Variants in EPHA1 observed in about 807,000 individuals in gnomAD.
The protein encoded by EPHA1 is ephrin type-A receptor 1.
A neutral mutation model predicts 110.1 loss-of-function variants in EPHA1; 92 were observed. The observed-to-expected ratio is 0.84, with a 90% CI of 0.71 to 0.99. The LOEUF is 0.99. Among genes scored for constraint, EPHA1 ranks in the 50% least tolerant of loss-of-function variants. EPHA1 has a pLI of 0.00. For missense variants in EPHA1, 1,204 were observed against 1,285.4 expected, an observed-to-expected ratio of 0.94 and a Z score of 0.97; for synonymous variants, 500 against 516.1, an observed-to-expected ratio of 0.97 and a Z score of 0.42.
chr7:143,397,704 G>A (rs754801581), intron 8 of EPHA1, 47 bp from the exon 9 acceptor site: 81 of 1,606,010 alleles, frequency 5.0e-5, no homozygotes, highest in Non-Finnish European at 6.6e-5. Flanking sequence ...ACAGTCCGTA[G>A]GAATGAGGGG....
At chr7:143,403,003 C>A (rs1805462070) in intron 2 of EPHA1, among the ~76,000 whole-genome samples, 1 of 152,180 alleles carries the variant, frequency 6.6e-6, no homozygotes, top group African/African-American at 2.4e-5. Flanking sequence ...TTGAATGTTT[C>A]TGAGTTTTGC....
rs1215181856 is a variant in EPHA1, at chr7:143,399,786, G to A, written c.700C>T (p.His234Tyr). The A allele has an allele frequency of 3.1e-6, 5 of 1,600,546 alleles. No individual in the cohort carries two copies. Among genetic ancestry groups the A allele is most frequent in the Admixed American group, 1.7e-5 (1 of 58,118 alleles). The change falls in exon 4 of 18, where the codon CAC becomes TAC. Residue 234 changes from histidine to tyrosine, a missense_variant. Coordinates refer to ENST00000275815, the MANE Select transcript of EPHA1 (RefSeq NM_005232.5). The part of the protein sequence containing the change: ...LVEVAGTCLP[H>Y]ARASPRPSGA... ...GAGGGCCTGGGGCTGGCCCGCGCGT[G>A]GGGCAAGCAGGTCCCCGCCACTTCC... is the stretch of plus-strand genomic sequence containing the variant.
In EPHA1 at chr7:143,391,523, C is replaced by T; in HGVS notation, c.2865G>A (p.Gln955=). The change falls in exon 18 of 18, where the codon CAG becomes CAA. Residue 955 remains glutamine (Q), a synonymous_variant. Coordinates refer to ENST00000275815, the MANE Select transcript of EPHA1 (RefSeq NM_005232.5). ...GGTGCCCGGGCAGTGTGATTCCCATCTGCGTCAGGTCCCTGTGGGCAAGGA... is the reference window on the plus strand; with the variant it reads ...GGTGCCCGGGCAGTGTGATTCCCATTTGCGTCAGGTCCCTGTGGGCAAGGA... ...VLELTAEDLT[Q]MGITLPGHQK... The T allele has an allele frequency of 6.2e-7, 1 of 1,614,186 alleles. No homozygotes were observed. Among genetic ancestry groups the T allele is most frequent in the African/African-American group, 1.3e-5 (1 of 75,062 alleles).
In EPHA1 at chr7:143,393,686, GC is replaced by G; in HGVS notation, c.2680del (p.Ala894ProfsTer7). 1.2e-6 allele frequency: 2 copies of G among 1,613,696 alleles called. No individual in the cohort carries two copies. The highest frequency in any genetic ancestry group is 1.7e-6 in the Non-Finnish European group (2 of 1,179,906). On this transcript the variant is annotated frameshift_variant, in exon 16 of 18. Transcript: ENST00000275815. LOFTEE classifies it high-confidence loss of function. This position sits in a 1 kb window ranked among gnomAD's most constrained non-coding sequence, Gnocchi z 5.6. Reference protein sequence around the residue: ...LANPHSLRTIANFDPRMTLRL... With the variant: ...LANPHSLRTIXNFDPRMTLRL... ...GCATGGTTACCTGGGGTCAAAGTTG[GC>G]AATGGTCCGCAGGGAGTGGGGGTTG...
intron 2 of EPHA1, among the ~76,000 whole-genome samples, chr7:143,406,456 C>T (rs1340945837): frequency 6.6e-6 from 1 of 152,210 alleles, no homozygotes; most frequent in Admixed American, 6.5e-5. Context: ...TTTGTAATAA[C>T]CGTTATAGTA....
chr7:143,394,119 G>T, intron 15 of EPHA1, 75 bp downstream of exon 15: 3 of 1,523,502 alleles, frequency 2.0e-6, no homozygotes, highest in Non-Finnish European at 2.7e-6. Flanking sequence ...TGCAGGAAAA[G>T]GCCATGGGAG....
Position 143,393,346 on chromosome 7 carries a change from G to A in EPHA1, c.2696+325C>T, listed in dbSNP as rs1391308016. 6.6e-6 allele frequency among the ~76,000 whole-genome samples: 1 copy of A among 152,132 alleles called. No homozygotes were observed. Among genetic ancestry groups the A allele is most frequent in the Non-Finnish European group, 1.5e-5 (1 of 68,026 alleles). ...GGGGAAGGGGATGCATCCCAAGAAT[G>A]GGCCACAGTACAACACAGTGGGATT... On this transcript the variant is annotated intron_variant, in intron 16 of 17. Transcript: ENST00000275815. The surrounding 1 kb of genome is among the most constrained non-coding windows in gnomAD (Gnocchi z 5.6).
rs145217217 is a variant in EPHA1, at chr7:143,399,313, G to A, written c.936C>T (p.Thr312=). 690 of 1,612,380 alleles carry A rather than the reference G, an allele frequency of 4.3e-4. No homozygotes were observed. The highest frequency in any genetic ancestry group is 5.2e-4 in the Non-Finnish European group (618 of 1,179,914). The stretch of plus-strand genomic sequence containing the variant: ...GAGCTCTGTAATGGCCGCTCTCACA[G>A]GTACAGATGGTGGCCCCCTCAGACT... The part of the protein sequence containing the change: ...TAESEGATIC[T]CESGHYRAPG... Residue 312 remains threonine, a synonymous_variant, in exon 5 of 18, where the codon ACC becomes ACT. Transcript: ENST00000275815.
intron 10 of EPHA1, among the ~76,000 whole-genome samples, chr7:143,396,905 T>G (rs917752956): frequency 6.6e-6 from 1 of 152,076 alleles, no homozygotes; most frequent in African/African-American, 2.4e-5. Context: ...CTCTCCCCTT[T>G]GTGGGTCACC....
chr7:143,406,890 C>T (rs1805565449), intron 2 of EPHA1, among the ~76,000 whole-genome samples: 2 of 152,308 alleles, frequency 1.3e-5, no homozygotes, highest in South Asian at 2.1e-4. Flanking sequence ...TATGCTCTCT[C>T]AGACCCACCT....
chr7:143,396,681 C>A, intron 10 of EPHA1, 171 bp from the exon 11 acceptor site: 2 of 716,072 alleles, frequency 2.8e-6, no homozygotes, highest in Non-Finnish European at 4.4e-6. Flanking sequence ...CTAGGCCTTT[C>A]TTCTCCCTGT....
rs974694451 is a variant in EPHA1 at position 143,393,915 on chromosome 7, C to T, written c.2503-51G>A. 1 of 1,501,486 alleles carries T rather than the reference C, an allele frequency of 6.7e-7. No homozygotes were observed. The highest frequency in any genetic ancestry group is 2.3e-5 in the Admixed American group (1 of 44,136). 93.0% of individuals were successfully genotyped at this position (1,501,486 alleles called of 1,614,324 possible). A position where few individuals can be genotyped will look rare whatever the true frequency, so the allele number is the denominator to read the frequency against. On this transcript the variant is annotated intron_variant, in intron 15 of 17. Transcript: ENST00000275815. This position sits in a 1 kb window ranked among gnomAD's most constrained non-coding sequence, Gnocchi z 5.6. ...CTAGAGTAGCAAGCTAACCTGGAGG[C>T]CCATGAGAAACCGACGGTCACACAA...
chr7:143,399,025 C>G, intron 5 of EPHA1, 80 bp from the exon 6 acceptor site: 1 of 1,360,098 alleles, frequency 7.4e-7, no homozygotes, highest in South Asian at 1.4e-5. Flanking sequence ...CACCACCACC[C>G]AATTCTCGAT....
intron 11 of EPHA1, 66 bp downstream of exon 11, chr7:143,396,319 G>A (rs1805243194): frequency 2.6e-6 from 4 of 1,562,862 alleles, no homozygotes; most frequent in Non-Finnish European, 3.5e-6. Context: ...GAAGGAAGGG[G>A]CCTGCTGGTG....
At chr7:143,404,070 A>G (rs528851888) in intron 2 of EPHA1, among the ~76,000 whole-genome samples, 18 of 152,050 alleles carry the variant, frequency 1.2e-4, no homozygotes, top group Admixed American at 6.5e-5. Flanking sequence ...TCCCTTCATG[A>G]TTTCTGGGTT....
intron 4 of EPHA1, 37 bp downstream of exon 4, chr7:143,399,614 G>A (rs372710890): frequency 4.8e-5 from 77 of 1,609,966 alleles, no homozygotes; most frequent in East Asian, 6.7e-5. Flanking sequence ...CAATCCTCCC[G>A]AGTGGTTCCT....
At chr7:143,407,759 C>G (rs1355309021) in intron 1 of EPHA1, 81 bp from the exon 2 acceptor site, 24 of 1,264,940 alleles carry the variant, frequency 1.9e-5, no homozygotes, top group Non-Finnish European at 2.7e-5. Context: ...TCTGGGGCCT[C>G]AGCCCCAGGC....
intron 1 of EPHA1, among the ~76,000 whole-genome samples, chr7:143,408,077 G>A (rs1805606171): frequency 6.6e-6 from 1 of 152,202 alleles, no homozygotes. Flanking sequence ...GTGGACCGGG[G>A]ACCTCAGAAG....
In EPHA1 at chr7:143,391,346, C is replaced by T. The variant is rs1586574981; in HGVS notation, c.*111G>A. The T allele has an allele frequency of 3.8e-6, 5 of 1,321,726 alleles. No homozygotes were observed. Among genetic ancestry groups the T allele is most frequent in the Admixed American group, 2.0e-5 (1 of 48,802 alleles). The allele number at this position is 1,321,726 out of a possible 1,614,324, so 81.9% of individuals were successfully genotyped here. On this transcript the variant is annotated 3_prime_UTR_variant, in exon 18 of 18. Coordinates refer to ENST00000275815, the MANE Select transcript of EPHA1 (RefSeq NM_005232.5). ...TCCTGAAAGTGGGCAGAAGCAGCACCGATAGCCTAGTCTGGCAGGTTGTGG... is the reference window on the plus strand; with the variant it reads ...TCCTGAAAGTGGGCAGAAGCAGCACTGATAGCCTAGTCTGGCAGGTTGTGG...
Sources: gnomAD v4.1 joint callset for allele counts (sites outside exome capture counted in the v4.1 genomes callset) on GRCh38, gnomAD v4.1.1 for gene constraint, Gnocchi (gnomAD v3.1) non-coding constraint, MANE v1.5 for transcripts, NCBI Gene and HGNC (gene_info 2026-07-23, HGNC 2026-07-21) for gene names.